NAV2: variants seen among roughly 807,000 people sequenced by gnomAD.
The protein encoded by NAV2 is neuron navigator 2, also known as helicase, APC down-regulated 1.
Under a neutral mutation model 223.2 loss-of-function variants are expected in NAV2, and 54 were observed. The ratio of observed to expected loss-of-function variants is 0.24; its 90% CI spans 0.19 to 0.30. NAV2 has a LOEUF of 0.30. NAV2 is among the 10% of genes least tolerant of loss of function. NAV2 has a pLI of 1.00. For synonymous variants in NAV2, 1,279 were observed against 1,239.3 expected (o/e 1.03, Z -0.67); for missense variants, 2,806 against 3,147.5 (o/e 0.89, Z 2.60).
chr11:19,965,475 T>C (rs2048695710), intron 10 of NAV2, among the ~76,000 whole-genome samples: 1 of 152,206 alleles, frequency 6.6e-6, no homozygotes, highest in South Asian at 2.1e-4. Context: ...TTTGATGGAT[T>C]CCATTTCTTA....
rs757827801 is a variant in NAV2, at chr11:19,934,168, G to C, written c.1924G>C (p.Val642Leu). 3.1e-6 allele frequency: 5 copies of C among 1,613,936 alleles called. No homozygotes were observed. The African/African-American group carries it at 4.0e-5, about 13-fold the overall frequency. The stretch of plus-strand genomic sequence containing the variant: ...CAGCAGCCAGACTGTCAGTGGGTCT[G>C]TCGGGACCACCCAGACCACAGGAAG... ...SISSQTVSGS[V>L]GTTQTTGSNT... The change falls in exon 7 of 38, where the codon GTC becomes CTC. Residue 642 changes from valine (V) to leucine (L), a missense_variant. Val to Leu is a conservative substitution (Grantham distance 32). Coordinates refer to ENST00000349880, the MANE Select transcript of NAV2 (RefSeq NM_145117.5).
intron 8 of NAV2, among the ~76,000 whole-genome samples, chr11:19,944,149 T>C (rs1427896245): frequency 6.6e-6 from 1 of 152,100 alleles, no homozygotes; most frequent in Non-Finnish European, 1.5e-5. Flanking sequence ...TGCAGTGAGC[T>C]GAGATCGTGC....
At chr11:19,950,356 A>T (rs898803139) in intron 10 of NAV2, among the ~76,000 whole-genome samples, 1 of 152,180 alleles carries the variant, frequency 6.6e-6, no homozygotes, top group Non-Finnish European at 1.5e-5. Flanking sequence ...TTTGAGGTAG[A>T]TGATATCATA....
intron 2 of NAV2, among the ~76,000 whole-genome samples, chr11:19,838,203 T>C (rs1427965038): frequency 2.0e-5 from 3 of 152,222 alleles, no homozygotes; most frequent in Non-Finnish European, 2.9e-5. Context: ...AGCACGATTG[T>C]GCCTTTTAAG....
At chr11:19,350,823 T>C in exon 1 of NAV2, 1 of 817,976 alleles carries the variant, frequency 1.2e-6, no homozygotes, top group Non-Finnish European at 2.0e-6. Context: ...TTTGAAGAGG[T>C]GGTGCTGATT....
intron 1 of NAV2, among the ~76,000 whole-genome samples, chr11:19,513,386 T>C (rs1406331824): frequency 6.6e-6 from 1 of 152,216 alleles, no homozygotes; most frequent in Non-Finnish European, 1.5e-5. Context: ...GCCCTGCTGG[T>C]TACACAGTCA....
chr11:19,586,118 A>G (rs1400125398), intron 1 of NAV2, among the ~76,000 whole-genome samples: 3 of 151,938 alleles, frequency 2.0e-5, no homozygotes, highest in Non-Finnish European at 2.9e-5. Flanking sequence ...TTCTCACTTC[A>G]TTTCATTCAT....
chr11:20,018,353 CAAAAAAAAAAA>C (rs34251713), intron 11 of NAV2, among the ~76,000 whole-genome samples: 2 of 87,990 alleles, frequency 2.3e-5, no homozygotes, highest in Non-Finnish European at 4.0e-5. Flanking sequence ...GATTCCATCT[CAAAAAAAAAAA>C]AAAAAAAAAA....
At chr11:20,079,315 A>G (rs1452994143) in intron 24 of NAV2, among the ~76,000 whole-genome samples, 2 of 152,180 alleles carry the variant, frequency 1.3e-5, no homozygotes, top group African/African-American at 2.4e-5. Flanking sequence ...TGCTGGGATT[A>G]CAGGCATGAT....
At chr11:19,696,683 C>A (rs1394732571) in intron 1 of NAV2, among the ~76,000 whole-genome samples, 3 of 152,170 alleles carry the variant, frequency 2.0e-5, no homozygotes, top group African/African-American at 7.2e-5. Flanking sequence ...TTTTAATCTT[C>A]CAAATAAATA....
chr11:19,610,645 A>G (rs1236417273), intron 1 of NAV2, among the ~76,000 whole-genome samples: 1 of 152,236 alleles, frequency 6.6e-6, no homozygotes, highest in East Asian at 1.9e-4. Context: ...TCAGCTTCAG[A>G]GCAGCAGAAT....
At chr11:19,732,169 G>T (rs1436159939) in intron 1 of NAV2, among the ~76,000 whole-genome samples, 1 of 151,830 alleles carries the variant, frequency 6.6e-6, no homozygotes, top group East Asian at 1.9e-4. Flanking sequence ...TGAGGCAGGA[G>T]AATCGCTTGA....
intron 1 of NAV2, among the ~76,000 whole-genome samples, chr11:19,445,010 C>T (rs961252877): frequency 6.6e-6 from 1 of 152,244 alleles, no homozygotes; most frequent in Non-Finnish European, 1.5e-5. Flanking sequence ...ACCACCATCT[C>T]TGCTATCACT....
At chr11:20,105,262 T>C (rs779950617) in intron 34 of NAV2, 54 of 349,758 alleles carry the variant, frequency 1.5e-4, no homozygotes, top group Non-Finnish European at 3.1e-5. Context: ...ACTAGCTGTT[T>C]GATCCTGGAA....
chr11:19,448,082 G>C (rs2133763233), intron 1 of NAV2, among the ~76,000 whole-genome samples: 1 of 152,286 alleles, frequency 6.6e-6, no homozygotes, highest in African/African-American at 2.4e-5. Context: ...AATCTGGTAA[G>C]GGAGGCAGAC....
chr11:19,980,201 C>G (rs746480831), intron 10 of NAV2, among the ~76,000 whole-genome samples: 1 of 152,192 alleles, frequency 6.6e-6, no homozygotes, highest in Non-Finnish European at 1.5e-5. Flanking sequence ...GGCTCTGACT[C>G]TTTCCATCCA....
chr11:20,092,609 C>T (rs967859330), intron 28 of NAV2, among the ~76,000 whole-genome samples: 4 of 152,112 alleles, frequency 2.6e-5, no homozygotes, highest in Admixed American at 1.3e-4. Flanking sequence ...TGGATCCCCT[C>T]GCCCACCATG....
chr11:19,658,408 G>A (rs973866706), intron 1 of NAV2, among the ~76,000 whole-genome samples: 1 of 152,308 alleles, frequency 6.6e-6, no homozygotes, highest in Non-Finnish European at 1.5e-5. Context: ...AGTCTTAGGA[G>A]GCTATGTGGT....
intron 1 of NAV2, among the ~76,000 whole-genome samples, chr11:19,679,919 G>GA (rs1219546200): frequency 6.6e-6 from 1 of 152,216 alleles, no homozygotes; most frequent in African/African-American, 2.4e-5. Flanking sequence ...AAGGCAAGAG[G>GA]AAGGGCCCCT....
Sources: gnomAD v4.1 joint callset for allele counts (sites outside exome capture counted in the v4.1 genomes callset) on GRCh38, gnomAD v4.1.1 for gene constraint, MANE v1.5 for transcripts, NCBI Gene and HGNC (gene_info 2026-07-23, HGNC 2026-07-21) for gene names.